The following CLYBL variants were observed in gnomAD, a reference collection of about 807,000 sequenced individuals.
The protein encoded by CLYBL is citramalyl-CoA lyase, also known as citramalyl-CoA lyase, mitochondrial.
A neutral mutation model predicts 38.9 loss-of-function variants in CLYBL; 31 were observed. The observed-to-expected ratio is 0.80, with a 90% CI of 0.60 to 1.08. CLYBL has a LOEUF of 1.08. Among genes scored for constraint, CLYBL ranks in the 50% least tolerant of loss-of-function variants. The pLI is 0.00. For synonymous variants in CLYBL, 171 were observed against 158.6 expected, an observed-to-expected ratio of 1.08 and a Z score of -0.59; for missense variants, 434 against 411.6, an observed-to-expected ratio of 1.05 and a Z score of -0.47.
At chr13:99,698,227 C>G (rs1051455994) in intron 1 of CLYBL, among the ~76,000 whole-genome samples, 1 of 151,914 alleles carries the variant, frequency 6.6e-6, no homozygotes, top group Non-Finnish European at 1.5e-5. Context: ...TTCTGTCTCT[C>G]AGGCTGGAGT....
intron 9 of CLYBL, among the ~76,000 whole-genome samples, chr13:99,907,697 AAAAT>A (rs1478337956): frequency 6.6e-6 from 1 of 152,084 alleles, no homozygotes; most frequent in African/African-American, 2.4e-5. Flanking sequence ...CTATCTCTAA[AAAAT>A]AAATAAATAA....
chr13:99,716,177 T>G lies in CLYBL; in HGVS notation c.63-56647T>G, dbSNP rs1171702835. 5.3e-4 allele frequency among the ~76,000 whole-genome samples: 36 copies of G among 68,312 alleles called. 1 individual carries two copies. The highest frequency in any genetic ancestry group is 2.1e-3 in the African/African-American group (33 of 15,882). The allele number at this position is 68,312 out of a possible 152,430, so 44.8% of individuals were successfully genotyped here. A position where few individuals can be genotyped will look rare whatever the true frequency, so the allele number is the denominator to read the frequency against. On this transcript the variant is annotated intron_variant, in intron 1 of 8. Transcript: ENST00000339105. ...CTTGCTTTATTGGTGTAATTTTTTT[T>G]TTTTTTTTTTTTTTTTTTTTTTTTT...
intron 1 of CLYBL, among the ~76,000 whole-genome samples, chr13:99,646,126 A>T (rs978588774): frequency 6.6e-6 from 1 of 152,064 alleles, no homozygotes; most frequent in Non-Finnish European, 1.5e-5. Context: ...CATTTTTTCC[A>T]TGGGGAAAAA....
intron 2 of CLYBL, among the ~76,000 whole-genome samples, chr13:99,841,184 G>T (rs900906346): frequency 2.6e-5 from 4 of 152,128 alleles, no homozygotes; most frequent in African/African-American, 4.8e-5. Context: ...GGCCTACCTG[G>T]ATTCCTGAAG....
chr13:99,682,852 T>A (rs2047757155), intron 1 of CLYBL, among the ~76,000 whole-genome samples: 1 of 151,590 alleles, frequency 6.6e-6, no homozygotes, highest in Non-Finnish European at 1.5e-5. Flanking sequence ...TTCTTCTGTC[T>A]CAGCCTCCTG....
At chr13:99,785,813 G>A (rs2049778620) in intron 2 of CLYBL, among the ~76,000 whole-genome samples, 1 of 151,938 alleles carries the variant, frequency 6.6e-6, no homozygotes, top group Admixed American at 6.6e-5. Context: ...GGCCAGGCTG[G>A]TCTTGAACTC....
At chr13:99,709,843 A>G (rs1016860954) in intron 1 of CLYBL, among the ~76,000 whole-genome samples, 5 of 151,952 alleles carry the variant, frequency 3.3e-5, no homozygotes, top group African/African-American at 4.8e-5. Flanking sequence ...AGCAGTAGGA[A>G]AGAGCCTGTT....
At chr13:99,693,056 C>T (rs1357339632) in intron 1 of CLYBL, among the ~76,000 whole-genome samples, 4 of 152,044 alleles carry the variant, frequency 2.6e-5, no homozygotes, top group Admixed American at 2.0e-4. Context: ...GTTGGACATA[C>T]GTTTTCATTT....
chr13:99,751,091 C>T (rs1047748822), intron 1 of CLYBL, among the ~76,000 whole-genome samples: 3 of 152,188 alleles, frequency 2.0e-5, no homozygotes, highest in Admixed American at 2.0e-4. Flanking sequence ...AAAGAGGTGG[C>T]AGCATCCCCA....
chr13:99,791,954 C>G (rs2049926316), intron 2 of CLYBL, among the ~76,000 whole-genome samples: 1 of 152,090 alleles, frequency 6.6e-6, no homozygotes, highest in African/African-American at 2.4e-5. Context: ...CTTCCCCCCT[C>G]AATGGTAGAC....
At chr13:99,645,363 T>C (rs575109972) in intron 1 of CLYBL, among the ~76,000 whole-genome samples, 1 of 152,150 alleles carries the variant, frequency 6.6e-6, no homozygotes, top group East Asian at 1.9e-4. Flanking sequence ...CTGGGCGTGG[T>C]GGCGGGTGCC....
At chr13:99,893,226 C>T (rs1170456064), downstream of CLYBL, 6 of 152,516 alleles carry the variant, frequency 3.9e-5, no homozygotes, top group African/African-American at 7.2e-5. Flanking sequence ...ACTTCAGAGC[C>T]GAATGGCCTC....
chr13:99,638,076 A>G (rs2047047515), intron 1 of CLYBL, among the ~76,000 whole-genome samples: 1 of 146,314 alleles, frequency 6.8e-6, no homozygotes, highest in Admixed American at 7.1e-5. Context: ...TGAGTCTCCT[A>G]CCTTAGCCTC....
At chr13:99,775,414 C>T (rs531454663) in intron 2 of CLYBL, among the ~76,000 whole-genome samples, 7 of 152,138 alleles carry the variant, frequency 4.6e-5, no homozygotes, top group South Asian at 4.1e-4. Flanking sequence ...ATGTCCACAT[C>T]GAGTCTTTAC....
chr13:99,858,077 C>G (rs1355390460), intron 2 of CLYBL, among the ~76,000 whole-genome samples: 1 of 152,168 alleles, frequency 6.6e-6, no homozygotes, highest in Non-Finnish European at 1.5e-5. Flanking sequence ...ACCTTCATTG[C>G]CCCCAAGCCA....
At chr13:99,719,674 T>C (rs2048366998) in intron 1 of CLYBL, among the ~76,000 whole-genome samples, 1 of 151,804 alleles carries the variant, frequency 6.6e-6, no homozygotes, top group Admixed American at 6.6e-5. Context: ...ACCCAGCTAA[T>C]TTTTTGTATT....
At position 99,657,280 on chromosome 13, in the gene CLYBL, A is replaced by G. The variant is rs565155876; in HGVS notation, c.62+50523A>G. 3.3e-5 allele frequency among the ~76,000 whole-genome samples: 5 copies of G among 152,368 alleles called. No individual in the cohort carries two copies. In the South Asian group the frequency reaches 1.0e-3, roughly 32 times the overall value. On this transcript the variant is annotated intron_variant, in intron 1 of 8. Transcript: ENST00000339105. ...TTCTGCGTTTGAACCTTTGATCCGCATTCACATCTGAAGGGAGGGCTAAAC... is the reference window on the plus strand; with the variant it reads ...TTCTGCGTTTGAACCTTTGATCCGCGTTCACATCTGAAGGGAGGGCTAAAC...
chr13:99,891,274 A>ATTTCGAG (rs1466871107), intron 7 of CLYBL, 44 bp from the exon 8 acceptor site: 4 of 1,383,550 alleles, frequency 2.9e-6, no homozygotes, highest in Non-Finnish European at 4.1e-6. Flanking sequence ...GAAACCTATA[A>ATTTCGAG]TTTCGAGTAT....
At chr13:99,824,754 C>T (rs907604988) in intron 2 of CLYBL, among the ~76,000 whole-genome samples, 4 of 152,228 alleles carry the variant, frequency 2.6e-5, no homozygotes, top group Non-Finnish European at 4.4e-5. Flanking sequence ...AAAATATTTT[C>T]TGCATCTCTA....
Sources: allele counts gnomAD v4.1 joint callset (sites outside exome capture counted in the v4.1 genomes callset), GRCh38; gene constraint gnomAD v4.1.1; transcripts MANE v1.5; gene names NCBI Gene and HGNC (gene_info 2026-07-23, HGNC 2026-07-21).